The following IK variants were observed in gnomAD, a reference collection of about 807,000 sequenced individuals.
IK encodes the protein protein Red.
A neutral mutation model predicts 90.9 loss-of-function variants in IK; 47 were observed. The observed-to-expected ratio is 0.52, with a 90% CI of 0.41 to 0.66. The LOEUF is 0.66. Among genes scored for constraint, IK ranks in the 30% least tolerant of loss-of-function variants. The pLI, the probability that IK is intolerant of heterozygous loss-of-function variation, is 0.00. For missense variants in IK, 385 were observed against 709.3 expected (o/e 0.54, Z 5.19); for synonymous variants, 201 against 227.5 (o/e 0.88, Z 1.05).
chr5:140,653,230 C>T (rs1190523086), intron 5 of IK, 86 bp downstream of exon 5: 3 of 1,204,712 alleles, frequency 2.5e-6, no homozygotes, highest in Non-Finnish European at 1.2e-6. Context: ...TACTTTCCTG[C>T]CCTGGAGCCT....
At chr5:140,660,287 T>C in intron 15 of IK, 92 bp downstream of exon 15, 1 of 573,710 alleles carries the variant, frequency 1.7e-6, no homozygotes, top group East Asian at 3.4e-5. Context: ...GTCCCAGGGC[T>C]ACTTCTTTTT....
chr5:140,656,001 A>G lies in IK; in HGVS notation c.801+9A>G. ...ATTGCCCCACCATGGAGGTGAGTGAATGGAATCCTGAGAGCCTATCATGTG... is the reference window on the plus strand; with the variant it reads ...ATTGCCCCACCATGGAGGTGAGTGAGTGGAATCCTGAGAGCCTATCATGTG... On this transcript the variant is annotated intron_variant, in intron 9 of 19. Transcript: ENST00000417647. The G allele has an allele frequency of 6.4e-7, 1 of 1,551,646 alleles. No homozygotes were observed. The highest frequency in any genetic ancestry group is 8.7e-7 in the Non-Finnish European group (1 of 1,146,974).
intron 2 of IK, among the ~76,000 whole-genome samples, 153 bp downstream of exon 2, chr5:140,648,690 G>A (rs1248531211): frequency 6.6e-6 from 1 of 151,470 alleles, no homozygotes; most frequent in Non-Finnish European, 1.5e-5. Flanking sequence ...ACTGGATCAG[G>A]CCAAGTGCAT....
At chr5:140,660,082 A>T (rs1180932448) in intron 14 of IK, 33 bp from the exon 15 acceptor site, 1 of 1,582,158 alleles carries the variant, frequency 6.3e-7, no homozygotes, top group Non-Finnish European at 8.7e-7. Flanking sequence ...AATAGGTAGA[A>T]TCCTGTGTAG....
chr5:140,661,773 T>C lies in IK; in HGVS notation c.1502+65T>C. 3 of 1,424,394 alleles carry C rather than the reference T, an allele frequency of 2.1e-6. No individual in the cohort carries two copies. The highest frequency in any genetic ancestry group is 2.9e-6 in the Non-Finnish European group (3 of 1,027,244). 88.2% of individuals were successfully genotyped at this position (1,424,394 alleles called of 1,614,324 possible). A position where few individuals can be genotyped will look rare whatever the true frequency, so the allele number is the denominator to read the frequency against. On this transcript the variant is annotated intron_variant, in intron 17 of 19. Coordinates refer to ENST00000417647, the MANE Select transcript of IK (RefSeq NM_006083.4). This position sits in a 1 kb window ranked among gnomAD's most constrained non-coding sequence, Gnocchi z 4.2. ...TGTGGGGATTTGGTGGAATAGTGCA[T>C]ATAAGGTTAGAGGGTGTGGTCTGGC...
intron 4 of IK, among the ~76,000 whole-genome samples, chr5:140,652,672 G>T (rs552102804): frequency 6.6e-6 from 1 of 152,286 alleles, no homozygotes; most frequent in South Asian, 2.1e-4. Context: ...AAGATTTTCT[G>T]ATTTTTGTGT....
At position 140,660,166 on chromosome 5, in the gene IK, C is replaced by T. The variant is rs747108669; in HGVS notation, c.1326C>T (p.Ser442=). 2.9e-5 allele frequency: 46 copies of T among 1,613,636 alleles called. No homozygotes were observed. Among genetic ancestry groups the T allele is most frequent in the Non-Finnish European group, 3.6e-5 (42 of 1,179,684 alleles). ...KKQLGDFFGM[S]NSYAECYPAT... ...AGCTGGGAGATTTCTTTGGCATGTCCAACAGTTATGCAGAGTGCTACCCAG... is the reference window on the plus strand; with the variant it reads ...AGCTGGGAGATTTCTTTGGCATGTCTAACAGTTATGCAGAGTGCTACCCAG... The change falls in exon 15 of 20, where the codon TCC becomes TCT. Residue 442 remains serine, a synonymous_variant. Transcript: ENST00000417647.
intron 5 of IK, 98 bp downstream of exon 5, chr5:140,653,242 C>A: frequency 1.8e-5 from 17 of 945,848 alleles, no homozygotes; most frequent in South Asian, 3.8e-5. Flanking sequence ...CTGGAGCCTA[C>A]AATAAGCGAT....
intron 2 of IK, among the ~76,000 whole-genome samples, 180 bp downstream of exon 2, chr5:140,648,717 A>G (rs1757547040): frequency 6.6e-6 from 1 of 151,102 alleles, no homozygotes; most frequent in African/African-American, 2.5e-5. Flanking sequence ...ATTAGAAGGG[A>G]AATTCCTGCA....
At position 140,659,425 on chromosome 5, in the gene IK, C is replaced by G. The variant is rs1757765320; in HGVS notation, c.1195+92C>G. 1.6e-5 allele frequency: 22 copies of G among 1,375,488 alleles called. No homozygotes were observed. The South Asian group carries it at 2.6e-4, about 16-fold the overall frequency. The allele number at this position is 1,375,488 out of a possible 1,614,324, so 85.2% of individuals were successfully genotyped here. The stretch of plus-strand genomic sequence containing the variant: ...GCTGGCAACGGTGGGATTGGGGGAC[C>G]TCCTGGTTCTGGGTTCTTGTAAGAA... On this transcript the variant is annotated intron_variant, in intron 13 of 19. Transcript: ENST00000417647.
intron 10 of IK, among the ~76,000 whole-genome samples, chr5:140,658,117 A>T (rs1757739927): frequency 6.6e-6 from 1 of 151,866 alleles, no homozygotes; most frequent in African/African-American, 2.4e-5. Flanking sequence ...CTTCTGCCTC[A>T]GCCTCCCAAG....
chr5:140,659,922 G>A, intron 14 of IK, 88 bp downstream of exon 14: 1 of 1,008,576 alleles, frequency 9.9e-7, no homozygotes, highest in Non-Finnish European at 1.5e-6. Flanking sequence ...CTCCTACCCT[G>A]CCCCTCTCCT....
At chr5:140,660,653 A>G in intron 15 of IK, 105 bp from the exon 16 acceptor site, 1 of 827,664 alleles carries the variant, frequency 1.2e-6, no homozygotes, top group Middle Eastern at 2.3e-4. Flanking sequence ...TGGGAGGTCT[A>G]GGGGGTGGTC....
intron 16 of IK, 75 bp downstream of exon 16, chr5:140,660,890 T>TA (rs1757793735): frequency 8.8e-7 from 1 of 1,142,484 alleles, no homozygotes; most frequent in Non-Finnish European, 1.3e-6. Context: ...TCCCCACTCC[T>TA]AAAAAATCTA....
intron 4 of IK, among the ~76,000 whole-genome samples, chr5:140,652,462 G>A (rs1757629393): frequency 6.6e-6 from 1 of 152,138 alleles, no homozygotes; most frequent in Non-Finnish European, 1.5e-5. Flanking sequence ...GAAAGTACAT[G>A]TAGGCATTTA....
chr5:140,652,219 T>C, intron 4 of IK, 72 bp downstream of exon 4: 2 of 1,157,410 alleles, frequency 1.7e-6, no homozygotes, highest in Non-Finnish European at 1.3e-6. Context: ...GGGCTAATTA[T>C]GAAGCTAGAA....
At chr5:140,657,741 G>A (rs1757735126) in intron 10 of IK, 79 bp downstream of exon 10, 5 of 886,770 alleles carry the variant, frequency 5.6e-6, no homozygotes, top group Non-Finnish European at 9.0e-6. Flanking sequence ...GGAGCTTTCT[G>A]TCTCCAGAAT....
In IK at chr5:140,658,958, G is replaced by C; in HGVS notation, c.970G>C (p.Asp324His). 6.2e-7 allele frequency: 1 copy of C among 1,613,978 alleles called. No individual in the cohort carries two copies. Among genetic ancestry groups the C allele is most frequent in the South Asian group, 1.1e-5 (1 of 91,080 alleles). Residue 324 changes from aspartate to histidine, a missense_variant, in exon 12 of 20, where the codon GAT becomes CAT. By Grantham distance (81) the Asp-to-His change is moderately conservative. Coordinates refer to ENST00000417647, the MANE Select transcript of IK (RefSeq NM_006083.4). ...ADMNIFEDIG[D>H]YVPSTTKTPR... Reference sequence around the variant, plus strand: ...TCCCAGTATTTTTGAAGACATTGGGGATTACGTACCCTCCACAACCAAGAC... The same window carrying C: ...TCCCAGTATTTTTGAAGACATTGGGCATTACGTACCCTCCACAACCAAGAC...
chr5:140,656,172 A>C (rs1757706046), intron 9 of IK, among the ~76,000 whole-genome samples, 180 bp downstream of exon 9: 1 of 152,200 alleles, frequency 6.6e-6, no homozygotes, highest in Admixed American at 6.5e-5. Context: ...AGTCTAAGCT[A>C]TAATCATTTG....
Sources: allele counts gnomAD v4.1 joint callset (sites outside exome capture counted in the v4.1 genomes callset), GRCh38; gene constraint gnomAD v4.1.1; non-coding constraint Gnocchi (gnomAD v3.1); transcripts MANE v1.5; gene names NCBI Gene and HGNC (gene_info 2026-07-23, HGNC 2026-07-21).